Variants in MSANTD2 observed in about 807,000 individuals in gnomAD.
MSANTD2 encodes myb/SANT-like DNA-binding domain-containing protein 2.
In MSANTD2, 19 loss-of-function variants were observed where a neutral mutation model predicts 52.6. The observed-to-expected ratio is 0.36, with a 90% confidence interval of 0.25 to 0.53. The LOEUF (loss-of-function observed/expected upper bound fraction) is 0.53. MSANTD2 is among the 20% of genes least tolerant of loss of function. The pLI, the probability that MSANTD2 is intolerant of heterozygous loss-of-function variation, is 0.91. For synonymous variants in MSANTD2, 291 were observed against 289.7 expected (o/e 1.00, Z -0.04); for missense variants, 558 against 716.3 (o/e 0.78, Z 2.52).
chr11:124,768,243 G>A (rs1442890273), intron 3 of MSANTD2, among the ~76,000 whole-genome samples: 8 of 152,160 alleles, frequency 5.3e-5, no homozygotes, highest in Non-Finnish European at 1.0e-4. Flanking sequence ...ACTGGGCAGT[G>A]TAAGTCTAGA....
At chr11:124,781,544 G>A (rs1471152937) in intron 1 of MSANTD2, among the ~76,000 whole-genome samples, 1 of 152,064 alleles carries the variant, frequency 6.6e-6, no homozygotes, top group African/African-American at 2.4e-5. Flanking sequence ...ATGTCTAAAG[G>A]GTCTCACAGG....
intron 3 of MSANTD2, among the ~76,000 whole-genome samples, chr11:124,768,404 T>C (rs1194731316): frequency 2.0e-5 from 3 of 152,210 alleles, no homozygotes. Flanking sequence ...GATCATAATA[T>C]TTTAAAGTGG....
At chr11:124,791,344 G>A in intron 1 of MSANTD2, 1 of 1,403,826 alleles carries the variant, frequency 7.1e-7, no homozygotes, top group Non-Finnish European at 1.0e-6. Flanking sequence ...CCCTACAGCT[G>A]CTCCGTGAAT....
chr11:124,783,284 C>T lies in MSANTD2; in HGVS notation c.511-8310G>A, dbSNP rs148496723. Among the ~76,000 whole-genome samples, 3 of 152,212 alleles carry T rather than the reference C, an allele frequency of 2.0e-5. No homozygotes were observed. The East Asian group carries it at 5.8e-4, about 29-fold the overall frequency. ...CACTCACTTTGTGTTTATAACTGGT[C>T]AATACTGCCTCCATGAGAAGAGATT... On this transcript the variant is annotated intron_variant, in intron 1 of 3. Coordinates refer to ENST00000374979, the MANE Select transcript of MSANTD2 (RefSeq NM_001308027.2).
chr11:124,788,788 A>C (rs1214797522), intron 1 of MSANTD2, among the ~76,000 whole-genome samples: 5 of 152,228 alleles, frequency 3.3e-5, no homozygotes, highest in Admixed American at 6.5e-5. Context: ...CACAAGACAA[A>C]GGAATGATAT....
At chr11:124,793,145 C>T (rs1252427144) in intron 1 of MSANTD2, among the ~76,000 whole-genome samples, 1 of 152,160 alleles carries the variant, frequency 6.6e-6, no homozygotes, top group Admixed American at 6.5e-5. Context: ...GTTATCAATC[C>T]TGGCCCCTGA....
chr11:124,768,120 G>T, intron 3 of MSANTD2, 92 bp from the exon 4 acceptor site: 1 of 1,245,654 alleles, frequency 8.0e-7, no homozygotes, highest in Non-Finnish European at 1.1e-6. Flanking sequence ...TTCTGTATCT[G>T]CTGCCCAATA....
chr11:124,772,451 C>T (rs1362616484), intron 3 of MSANTD2, among the ~76,000 whole-genome samples: 1 of 152,170 alleles, frequency 6.6e-6, no homozygotes, highest in Non-Finnish European at 1.5e-5. Flanking sequence ...AACGTATAGA[C>T]ATCTGGCTGG....
At chr11:124,782,285 T>TAAAA (rs56183065) in intron 1 of MSANTD2, among the ~76,000 whole-genome samples, 2 of 141,264 alleles carry the variant, frequency 1.4e-5, no homozygotes, top group Admixed American at 7.1e-5. Context: ...TGTCTCTACT[T>TAAAA]AAAAAAAAAA....
intron 1 of MSANTD2, among the ~76,000 whole-genome samples, chr11:124,795,404 G>A (rs1246524189): frequency 6.6e-6 from 1 of 152,224 alleles, no homozygotes; most frequent in East Asian, 1.9e-4. Flanking sequence ...TTAACTGACT[G>A]AAGTGTGAAT....
intron 1 of MSANTD2, among the ~76,000 whole-genome samples, chr11:124,778,632 C>A (rs1565457089): frequency 6.6e-6 from 1 of 152,096 alleles, no homozygotes; most frequent in Non-Finnish European, 1.5e-5. Context: ...GAAGCAATGG[C>A]AAGAGAATGC....
At position 124,779,849 on chromosome 11, in the gene MSANTD2, T is replaced by C. The variant is rs552532907; in HGVS notation, c.511-4875A>G. Reference sequence around the variant, plus strand: ...CAAACAAGGCCTTAAAAATCACATATTGTGCTCCACGAGAGATGAAGAAAT... The same window carrying C: ...CAAACAAGGCCTTAAAAATCACATACTGTGCTCCACGAGAGATGAAGAAAT... On this transcript the variant is annotated intron_variant, in intron 1 of 3. Coordinates refer to ENST00000374979, the MANE Select transcript of MSANTD2 (RefSeq NM_001308027.2). The surrounding 1 kb of genome is among the most constrained non-coding windows in gnomAD (Gnocchi z 4.6). Among the ~76,000 whole-genome samples the C allele has an allele frequency of 1.3e-5, 2 of 152,308 alleles. No homozygotes were observed. The highest frequency in any genetic ancestry group is 2.1e-4 in the South Asian group (1 of 4,822).
intron 1 of MSANTD2, among the ~76,000 whole-genome samples, chr11:124,788,534 G>T (rs74721954): frequency 2.6e-5 from 4 of 152,160 alleles, no homozygotes; most frequent in Non-Finnish European, 5.9e-5. Flanking sequence ...AAGGAAAAAA[G>T]TAATTATTTG....
intron 1 of MSANTD2, among the ~76,000 whole-genome samples, chr11:124,787,938 TACA>T (rs1275243119): frequency 2.0e-5 from 3 of 151,958 alleles, no homozygotes; most frequent in South Asian, 2.1e-4. Flanking sequence ...TACAAAAAAA[TACA>T]ACAATTAGCT....
chr11:124,771,290 G>C (rs74968272), intron 3 of MSANTD2, among the ~76,000 whole-genome samples: 1 of 152,168 alleles, frequency 6.6e-6, no homozygotes, highest in African/African-American at 2.4e-5. Context: ...TGGGCGATTA[G>C]CTTCTTTTTT....
Position 124,774,644 on chromosome 11 carries a change from A to G in MSANTD2, c.766+75T>C, listed in dbSNP as rs1266954023. 2.8e-6 allele frequency: 4 copies of G among 1,428,168 alleles called. No homozygotes were observed. The highest frequency in any genetic ancestry group is 2.3e-5 in the East Asian group (1 of 44,010). The allele number at this position is 1,428,168 out of a possible 1,614,324, so 88.5% of individuals were successfully genotyped here. On this transcript the variant is annotated intron_variant, in intron 2 of 3. Coordinates refer to ENST00000374979, the MANE Select transcript of MSANTD2 (RefSeq NM_001308027.2). This position sits in a 1 kb window ranked among gnomAD's most constrained non-coding sequence, Gnocchi z 5.1. ...ACAGTACCAAAGATATTTACAGGTA[A>G]TAAGTACTGGTGCACATACATAAAG...
At chr11:124,794,175 C>T (rs1945421558) in intron 1 of MSANTD2, among the ~76,000 whole-genome samples, 1 of 152,200 alleles carries the variant, frequency 6.6e-6, no homozygotes, top group Non-Finnish European at 1.5e-5. Flanking sequence ...ATTTGTACTA[C>T]ATGCTTTCTA....
At chr11:124,770,296 C>CT (rs971963475) in intron 3 of MSANTD2, among the ~76,000 whole-genome samples, 17 of 143,978 alleles carry the variant, frequency 1.2e-4, no homozygotes, top group African/African-American at 2.8e-4. Flanking sequence ...TGTAATAACT[C>CT]TTTTTTTTTG....
intron 1 of MSANTD2, among the ~76,000 whole-genome samples, chr11:124,796,694 T>C (rs1389160586): frequency 6.6e-6 from 1 of 152,254 alleles, no homozygotes; most frequent in Non-Finnish European, 1.5e-5. Flanking sequence ...TCTGTGAGCC[T>C]CTGACATTGA....
Sources: gnomAD v4.1 joint callset for allele counts (sites outside exome capture counted in the v4.1 genomes callset) on GRCh38, gnomAD v4.1.1 for gene constraint, Gnocchi (gnomAD v3.1) non-coding constraint, MANE v1.5 for transcripts, NCBI Gene and HGNC (gene_info 2026-07-23, HGNC 2026-07-21) for gene names.